The following TARBP1 variants were observed in gnomAD, a reference collection of about 807,000 sequenced individuals.
TARBP1 encodes the protein tRNA guanosine 2 -O-methyltransferase TARBP1, also known as tRNA (guanosine(18)-2'-O)-methyltransferase TARBP1.
A neutral mutation model predicts 178.6 loss-of-function variants in TARBP1; 144 were observed. The observed-to-expected ratio is 0.81, with a 90% CI of 0.70 to 0.93. The LOEUF is 0.93. Among genes scored for constraint, TARBP1 ranks in the 40% least tolerant of loss-of-function variants. TARBP1 has a pLI of 0.00. For synonymous variants in TARBP1, 787 were observed against 781.0 expected (o/e 1.01, Z -0.13); for missense variants, 2,067 against 2,011.7 (o/e 1.03, Z -0.53).
intron 12 of TARBP1, among the ~76,000 whole-genome samples, chr1:234,442,624 C>T (rs12069193): frequency 0.01 from 1,544 of 152,248 alleles, 27 homozygotes; most frequent in African/African-American, 0.034. Context: ...TTGCATATTC[C>T]ATACTACTCT....
Position 234,446,844 on chromosome 1 carries a change from A to G in TARBP1, c.2093T>C (p.Leu698Pro). ...ACCTTTCAACCTGCATGTGTTCAAC[A>G]GCTTCAACAGCAGCTGGAGGCATCT... ...TDRCLQLLLK[L>P]LNTCRLKGSS... Residue 698 changes from leucine to proline, a missense_variant, in exon 12 of 30, where the codon CTG becomes CCG. Coordinates refer to ENST00000040877, the MANE Select transcript of TARBP1 (RefSeq NM_005646.4). 3 of 1,614,060 alleles carry G rather than the reference A, an allele frequency of 1.9e-6. No individual in the cohort carries two copies. Among genetic ancestry groups the G allele is most frequent in the Non-Finnish European group, 2.5e-6 (3 of 1,179,978 alleles).
intron 23 of TARBP1, 75 bp downstream of exon 23, chr1:234,410,370 A>G: frequency 3.4e-6 from 3 of 869,720 alleles, no homozygotes; most frequent in Admixed American, 2.5e-5. Context: ...GGAATGCTCT[A>G]CATATAAAAA....
intron 9 of TARBP1, among the ~76,000 whole-genome samples, chr1:234,454,198 T>C (rs1369971334): frequency 6.6e-6 from 1 of 152,182 alleles, no homozygotes; most frequent in East Asian, 1.9e-4. Flanking sequence ...ACAAAATAAA[T>C]TCCAGCTGGA....
intron 1 of TARBP1, among the ~76,000 whole-genome samples, chr1:234,475,206 G>T (rs755559896): frequency 2.0e-5 from 3 of 152,170 alleles, no homozygotes; most frequent in Non-Finnish European, 2.9e-5. Context: ...ACTAACTAGA[G>T]AGGCCCAGCC....
At chr1:234,447,394 CT>C (rs36066908) in intron 11 of TARBP1, among the ~76,000 whole-genome samples, 122 of 104,618 alleles carry the variant, frequency 1.2e-3, no homozygotes, top group East Asian at 1.8e-3. Flanking sequence ...TGTTAACCAA[CT>C]TTTTTTTTTT....
chr1:234,429,600 A>G lies in TARBP1; in HGVS notation c.2687T>C (p.Leu896Pro). The change falls in exon 16 of 30, where the codon CTC becomes CCC. Residue 896 changes from leucine (L) to proline (P), a missense_variant. Coordinates refer to ENST00000040877, the MANE Select transcript of TARBP1 (RefSeq NM_005646.4). ...GTGATATTTTTTCAACAGGAAAGAG[A>G]GGCACACCCATTGATCATGAATATA... ...AQYIHDQWVCLSFLLKKYHTL... is the reference protein window; with the variant it reads ...AQYIHDQWVCPSFLLKKYHTL... 6.2e-7 allele frequency: 1 copy of G among 1,614,124 alleles called. No individual in the cohort carries two copies. Among genetic ancestry groups the G allele is most frequent in the Non-Finnish European group, 8.5e-7 (1 of 1,180,008 alleles).
intron 2 of TARBP1, 23 bp from the exon 3 acceptor site, chr1:234,471,280 C>T (rs1453172872): frequency 2.7e-6 from 4 of 1,478,654 alleles, no homozygotes; most frequent in Middle Eastern, 1.8e-4. Context: ...GCAAAAAAAT[C>T]ATATGAAATG....
At chr1:234,477,986 G>T (rs1291598815) in intron 1 of TARBP1, among the ~76,000 whole-genome samples, 187 bp downstream of exon 1, 1 of 152,170 alleles carries the variant, frequency 6.6e-6, no homozygotes, top group Non-Finnish European at 1.5e-5. Flanking sequence ...AGTGATTTGT[G>T]ACTTCAAAGA....
intron 14 of TARBP1, among the ~76,000 whole-genome samples, chr1:234,432,907 G>A (rs571305979): frequency 6.6e-6 from 1 of 151,964 alleles, no homozygotes; most frequent in African/African-American, 2.4e-5. Context: ...ACCTAGTACA[G>A]GTGAAATGTC....
At chr1:234,450,342 G>T in intron 10 of TARBP1, 86 bp downstream of exon 10, 2 of 1,067,980 alleles carry the variant, frequency 1.9e-6, no homozygotes, top group Non-Finnish European at 2.6e-6. Flanking sequence ...ATTTCGTAAA[G>T]CCTAACTCTC....
chr1:234,393,900 A>G, intron 26 of TARBP1, 63 bp from the exon 27 acceptor site: 1 of 1,145,208 alleles, frequency 8.7e-7, no homozygotes, highest in Non-Finnish European at 1.2e-6. Flanking sequence ...ATATTTATGT[A>G]TACATGTATA....
Position 234,391,460 on chromosome 1 carries a change from T to G in TARBP1, c.*117A>C, listed in dbSNP as rs1057145718. On this transcript the variant is annotated 3_prime_UTR_variant, in exon 30 of 30. Transcript: ENST00000040877. ...CACATGGCAAACTTTTGGCATTAAA[T>G]TGCAAGAAAAAAGAAATACAAATTA... 8.2e-7 allele frequency: 1 copy of G among 1,214,486 alleles called. No individual in the cohort carries two copies. The highest frequency in any genetic ancestry group is 3.2e-5 in the Admixed American group (1 of 31,656). The allele number at this position is 1,214,486 out of a possible 1,614,324, so 75.2% of individuals were successfully genotyped here. A position where few individuals can be genotyped will look rare whatever the true frequency, so the allele number is the denominator to read the frequency against.
intron 1 of TARBP1, among the ~76,000 whole-genome samples, chr1:234,473,644 A>G (rs1231250053): frequency 6.6e-6 from 1 of 152,236 alleles, no homozygotes; most frequent in Non-Finnish European, 1.5e-5. Context: ...AAAATATATC[A>G]GAGATTCCTT....
chr1:234,423,612 C>T (rs373013480), intron 20 of TARBP1, among the ~76,000 whole-genome samples: 6 of 152,278 alleles, frequency 3.9e-5, no homozygotes, highest in South Asian at 4.1e-4. Flanking sequence ...GCAACCTCCT[C>T]GTCCTCCACG....
At chr1:234,415,708 G>GT (rs1194976920) in intron 22 of TARBP1, among the ~76,000 whole-genome samples, 1 of 152,222 alleles carries the variant, frequency 6.6e-6, no homozygotes, top group Non-Finnish European at 1.5e-5. Context: ...AGCAGAGACA[G>GT]TAGGTATACA....
Position 234,448,427 on chromosome 1 carries a change from T to C in TARBP1, c.1961+53A>G, listed in dbSNP as rs751069337. On this transcript the variant is annotated intron_variant, in intron 11 of 29. Coordinates refer to ENST00000040877, the MANE Select transcript of TARBP1 (RefSeq NM_005646.4). ...TCAAAAATCTGAATACACATCATAA[T>C]TCTCATCAGGATTTTTCAAATAGGC... 2.9e-4 allele frequency: 435 copies of C among 1,494,268 alleles called. 6 individuals are homozygous for C. In the Middle Eastern group the frequency reaches 9.0e-3, roughly 31 times the overall value. The allele number at this position is 1,494,268 out of a possible 1,614,324, so 92.6% of individuals were successfully genotyped here. A position where few individuals can be genotyped will look rare whatever the true frequency, so the allele number is the denominator to read the frequency against.
rs201549800 is a variant in TARBP1 at position 234,430,147 on chromosome 1, G to A, written c.2549C>T (p.Thr850Met). The A allele has an allele frequency of 3.1e-4, 499 of 1,614,134 alleles. No individual in the cohort carries two copies. Among genetic ancestry groups the A allele is most frequent in the Non-Finnish European group, 3.6e-4 (430 of 1,180,006 alleles). Reference sequence around the variant, plus strand: ...CTCCTCTGCGTGGGGCTTCTGCAGCGTCTGATTGAGCTGAAGAGAGGAAAG... The same window carrying A: ...CTCCTCTGCGTGGGGCTTCTGCAGCATCTGATTGAGCTGAAGAGAGGAAAG... Reference protein sequence around the residue: ...SFLSSLQLNQTLQKPHAEEQS... With the variant: ...SFLSSLQLNQMLQKPHAEEQS... Residue 850 changes from threonine (T) to methionine (M), a missense_variant, in exon 15 of 30, where the codon ACG (threonine) becomes ATG (methionine). Thr to Met is a moderately conservative substitution (Grantham distance 81). Transcript: ENST00000040877.
chr1:234,448,209 G>GT (rs1666381361), intron 11 of TARBP1, among the ~76,000 whole-genome samples: 1 of 152,190 alleles, frequency 6.6e-6, no homozygotes, highest in Admixed American at 6.5e-5. Context: ...AAAGTGCTGG[G>GT]ATTACAGGCA....
Position 234,457,764 on chromosome 1 carries a change from GGGCA to G in TARBP1, c.1633-12_1633-9del, listed in dbSNP as rs1184052695. ...AGAAAGTGACACTTTCTCCTGGGCAGGGCAGGAAAGGTTTTAAAAATTACTCGTA... is the reference window on the plus strand; with the variant it reads ...AGAAAGTGACACTTTCTCCTGGGCAGGGAAAGGTTTTAAAAATTACTCGTA... On this transcript the variant is annotated splice_polypyrimidine_tract_variant and intron_variant, in intron 8 of 29. Transcript: ENST00000040877. 1 of 1,596,612 alleles carries G rather than the reference GGGCA, an allele frequency of 6.3e-7. No individual in the cohort carries two copies. The highest frequency in any genetic ancestry group is 1.4e-5 in the African/African-American group (1 of 74,016).
Sources: allele counts gnomAD v4.1 joint callset (sites outside exome capture counted in the v4.1 genomes callset), GRCh38; gene constraint gnomAD v4.1.1; transcripts MANE v1.5; gene names NCBI Gene and HGNC (gene_info 2026-07-23, HGNC 2026-07-21).